The following KHSRP variants were observed in gnomAD, a reference collection of about 807,000 sequenced individuals.
The protein encoded by KHSRP is far upstream element-binding protein 2.
In KHSRP, 13 loss-of-function variants were observed where a neutral mutation model predicts 94.9. The observed-to-expected ratio is 0.14, with a 90% CI of 0.09 to 0.22. The LOEUF (loss-of-function observed/expected upper bound fraction) is 0.22. KHSRP is among the 10% of genes least tolerant of loss of function. KHSRP has a pLI of 1.00. For missense variants in KHSRP, 710 were observed against 1,010.0 expected, an observed-to-expected ratio of 0.70 and a Z score of 4.03; for synonymous variants, 495 against 401.4, an observed-to-expected ratio of 1.23 and a Z score of -2.79.
At chr19:6,417,128 G>T in intron 11 of KHSRP, 41 bp from the exon 12 acceptor site, 1 of 1,523,546 alleles carries the variant, frequency 6.6e-7, no homozygotes, top group African/African-American at 1.4e-5. Context: ...AAGTTTAAAA[G>T]AAGAGCCCAC....
In KHSRP at chr19:6,414,748, G is replaced by A. The variant is rs998631733; in HGVS notation, c.*276C>T. On this transcript the variant is annotated 3_prime_UTR_variant, in exon 19 of 19. Transcript: ENST00000600480. Reference sequence around the variant, plus strand: ...GTGATGCAGAGAAGGGGAAAAAATAGACGTTTTCTTCCCAAGTGGCCAGAT... The same window carrying A: ...GTGATGCAGAGAAGGGGAAAAAATAAACGTTTTCTTCCCAAGTGGCCAGAT... The A allele has an allele frequency of 1.9e-6, 2 of 1,076,054 alleles. No homozygotes were observed. Among genetic ancestry groups the A allele is most frequent in the South Asian group, 8.1e-5 (2 of 24,712 alleles). The allele number at this position is 1,076,054 out of a possible 1,614,324, so 66.7% of individuals were successfully genotyped here.
Position 6,417,097 on chromosome 19 carries a change from G to T in KHSRP, c.1082-10C>A. The T allele has an allele frequency of 6.3e-7, 1 of 1,594,836 alleles. No individual in the cohort carries two copies. On this transcript the variant is annotated splice_polypyrimidine_tract_variant and intron_variant, in intron 11 of 18. Transcript: ENST00000600480. The stretch of plus-strand genomic sequence containing the variant: ...GGCCCTGTCCCGTCATCTGAGGCCA[G>T]CACCGAGAGAGCAGAGACACAAGTT...
At position 6,414,988 on chromosome 19, in the gene KHSRP, C is replaced by T. The variant is rs574113244; in HGVS notation, c.*36G>A. Reference sequence around the variant, plus strand: ...TTCCCTGGCGGTGCGTGGGGACTCCCGGAGACCTCCGGCCACACGGCCCCC... The same window carrying T: ...TTCCCTGGCGGTGCGTGGGGACTCCTGGAGACCTCCGGCCACACGGCCCCC... On this transcript the variant is annotated 3_prime_UTR_variant, in exon 19 of 19. Transcript: ENST00000600480. 343 of 1,443,200 alleles carry T rather than the reference C, an allele frequency of 2.4e-4. No individual in the cohort carries two copies. The South Asian group carries it at 3.0e-3, about 13-fold the overall frequency. 89.4% of individuals were successfully genotyped at this position (1,443,200 alleles called of 1,614,324 possible). A position where few individuals can be genotyped will look rare whatever the true frequency, so the allele number is the denominator to read the frequency against.
chr19:6,423,125 A>C (rs998109559), intron 1 of KHSRP, among the ~76,000 whole-genome samples: 1 of 152,140 alleles, frequency 6.6e-6, no homozygotes, highest in Non-Finnish European at 1.5e-5. Flanking sequence ...CTAAAAATAC[A>C]AAAATTAGCT....
intron 1 of KHSRP, 21 bp downstream of exon 1, chr19:6,424,432 T>G (rs1306728486): frequency 6.2e-6 from 6 of 974,186 alleles, no homozygotes; most frequent in South Asian, 4.7e-5. Context: ...AGCGCGCCCC[T>G]CAGGCCCTCG....
chr19:6,418,130 C>G lies in KHSRP; in HGVS notation c.880-51G>C. The G allele has an allele frequency of 6.6e-7, 1 of 1,506,028 alleles. No individual in the cohort carries two copies. The highest frequency in any genetic ancestry group is 9.2e-7 in the Non-Finnish European group (1 of 1,085,116). 93.3% of individuals were successfully genotyped at this position (1,506,028 alleles called of 1,614,324 possible). On this transcript the variant is annotated intron_variant, in intron 9 of 18. Coordinates refer to ENST00000600480, the MANE Select transcript of KHSRP (RefSeq NM_001366299.1). The surrounding 1 kb of genome is among the most constrained non-coding windows in gnomAD (Gnocchi z 4.3). ...CATGGGTGAGCCCTGCTGCCCCACA[C>G]CCCCCCACCTCCTCGGGGGTGCGGG...
Position 6,420,475 on chromosome 19 carries a change from T to C in KHSRP, c.426-4A>G, listed in dbSNP as rs1330984741. On this transcript the variant is annotated splice_region_variant and splice_polypyrimidine_tract_variant and intron_variant, in intron 4 of 18. Transcript: ENST00000600480. The stretch of plus-strand genomic sequence containing the variant: ...GTACTCTTCTGTCATTGAAGTCCTG[T>C]AAAGAGACACGCCAAAGGTCAGTCC... 7.4e-6 allele frequency: 12 copies of C among 1,613,798 alleles called. No homozygotes were observed. The highest frequency in any genetic ancestry group is 1.0e-5 in the Non-Finnish European group (12 of 1,179,768).
In KHSRP at chr19:6,414,342, A is replaced by G. The variant is rs1461365084; in HGVS notation, c.*682T>C. ...TGCTCCCTGATGGAGAAGGAGGGAC[A>G]GAGCAGGAAGAGAGGAGAGGGGCCG... On this transcript the variant is annotated 3_prime_UTR_variant, in exon 19 of 19. Coordinates refer to ENST00000600480, the MANE Select transcript of KHSRP (RefSeq NM_001366299.1). 2.2e-6 allele frequency: 3 copies of G among 1,387,824 alleles called. No individual in the cohort carries two copies. Among genetic ancestry groups the G allele is most frequent in the Middle Eastern group, 2.2e-4 (1 of 4,544 alleles). 86.0% of individuals were successfully genotyped at this position (1,387,824 alleles called of 1,614,324 possible). A position where few individuals can be genotyped will look rare whatever the true frequency, so the allele number is the denominator to read the frequency against.
Position 6,419,214 on chromosome 19 carries a change from T to G in KHSRP, c.594A>C (p.Pro198=). 6.3e-7 allele frequency: 1 copy of G among 1,583,900 alleles called. No homozygotes were observed. Residue 198 remains proline, a synonymous_variant, in exon 7 of 19, where the codon CCA becomes CCC. Coordinates refer to ENST00000600480, the MANE Select transcript of KHSRP (RefSeq NM_001366299.1). ...CTGTGGGGACTTACTGGACAGATTC[T>G]GGGGCTCCTGTCAAGGACACACTGC... The part of the protein sequence containing the change: ...PERSVSLTGA[P]ESVQKAKMML...
Position 6,415,571 on chromosome 19 carries a change from G to A in KHSRP, c.1851C>T (p.Asp617=), listed in dbSNP as rs769367925. The A allele has an allele frequency of 5.3e-6, 8 of 1,523,104 alleles. No homozygotes were observed. Among genetic ancestry groups the A allele is most frequent in the Non-Finnish European group, 6.2e-6 (7 of 1,134,178 alleles). The allele number at this position is 1,523,104 out of a possible 1,614,324, so 94.3% of individuals were successfully genotyped here. The change falls in exon 17 of 19, where the codon GAC becomes GAT. Residue 617 remains aspartate (D), a synonymous_variant. Transcript: ENST00000600480. ...PPQPPPTGQS[D]YTKAWEEYYK... is the part of the protein sequence containing the mutation. The stretch of plus-strand genomic sequence containing the variant: ...AATACTCTTCCCAGGCCTTAGTGTA[G>A]TCCGACTGGCCGGTGGGTGGGGGCT...
rs144670796 is a variant in KHSRP, at chr19:6,415,090, C to T, written c.2178G>A (p.Pro726=). The stretch of plus-strand genomic sequence containing the variant: ...CCACTAAGGCAGGATGGACGGTGGC[C>T]GGGGGTTGGAAGGAGAAAGGAGGAG... ...PPPPPFSFQP[P]ATVHPALVGS... is the part of the protein sequence containing the mutation. The change falls in exon 19 of 19, where the codon CCG becomes CCA. Residue 726 remains proline, a synonymous_variant. Coordinates refer to ENST00000600480, the MANE Select transcript of KHSRP (RefSeq NM_001366299.1). 4.5e-4 allele frequency: 711 copies of T among 1,592,402 alleles called. 5 individuals are homozygous for T. In the African/African-American group the frequency reaches 8.1e-3, roughly 18 times the overall value.
chr19:6,419,472 G>A (rs892040690), intron 6 of KHSRP, among the ~76,000 whole-genome samples: 4 of 152,218 alleles, frequency 2.6e-5, no homozygotes, highest in African/African-American at 9.6e-5. Context: ...GGACTTTAAG[G>A]GAAAAGGATG....
chr19:6,418,779 C>T lies in KHSRP; in HGVS notation c.703G>A (p.Val235Met). The T allele has an allele frequency of 2.5e-6, 4 of 1,607,426 alleles. No homozygotes were observed. The highest frequency in any genetic ancestry group is 3.4e-6 in the Non-Finnish European group (4 of 1,177,946). The change falls in exon 8 of 19, where the codon GTG becomes ATG. Residue 235 changes from valine to methionine, a missense_variant. Val to Met is a conservative substitution (Grantham distance 21). This residue lies in a region of KHSRP where 288 missense variants were observed against 501.1 expected (regional missense o/e 0.57). Coordinates refer to ENST00000600480, the MANE Select transcript of KHSRP (RefSeq NM_001366299.1). The surrounding 1 kb of genome is among the most constrained non-coding windows in gnomAD (Gnocchi z 4.3). Reference sequence around the variant, plus strand: ...CCCGCGGGGATCATGATCTCCTGCACGGTGCCGTTCTGGCCCCCGTTGGCG... The same window carrying T: ...CCCGCGGGGATCATGATCTCCTGCATGGTGCCGTTCTGGCCCCCGTTGGCG... Reference protein sequence around the residue: ...DNANGGQNGTVQEIMIPAGKA... With the variant: ...DNANGGQNGTMQEIMIPAGKA...
rs1210544849 is a variant in KHSRP, at chr19:6,424,633, G to A, written c.69C>T (p.Ala23=). ...PPPPAGGGGG[A]GGAGGGPPPG... Reference sequence around the variant, plus strand: ...GCGGAGGGCCTCCCCCGGCGCCTCCGGCTCCCCCGCCCCCGCCGGCGGGCG... The same window carrying A: ...GCGGAGGGCCTCCCCCGGCGCCTCCAGCTCCCCCGCCCCCGCCGGCGGGCG... The change falls in exon 1 of 19, where the codon GCC becomes GCT. Residue 23 remains alanine, a synonymous_variant. Coordinates refer to ENST00000600480, the MANE Select transcript of KHSRP (RefSeq NM_001366299.1). 2 of 984,446 alleles carry A rather than the reference G, an allele frequency of 2.0e-6. No individual in the cohort carries two copies. Among genetic ancestry groups the A allele is most frequent in the Non-Finnish European group, 2.4e-6 (2 of 832,058 alleles). The allele number at this position is 984,446 out of a possible 1,614,324, so 61.0% of individuals were successfully genotyped here.
intron 13 of KHSRP, 38 bp downstream of exon 13, chr19:6,416,700 G>A (rs977798163): frequency 3.7e-6 from 6 of 1,612,188 alleles, no homozygotes; most frequent in South Asian, 1.1e-5. Flanking sequence ...GCCCAGGGAA[G>A]AGGGGGCAAG....
In KHSRP at chr19:6,416,504, C is replaced by G; in HGVS notation, c.1474G>C (p.Glu492Gln). Reference protein sequence around the residue: ...QQIDHAKQLIEEKIEGPLCPV... With the variant: ...QQIDHAKQLIQEKIEGPLCPV... Reference sequence around the variant, plus strand: ...CCCCAACCCACCTCGATCTTTTCCTCGATAAGCTGCTTGGCGTGGTCAATC... The same window carrying G: ...CCCCAACCCACCTCGATCTTTTCCTGGATAAGCTGCTTGGCGTGGTCAATC... The change falls in exon 14 of 19, where the codon GAG (glutamate) becomes CAG (glutamine). Residue 492 changes from glutamate to glutamine, a missense_variant. By Grantham distance (29) the Glu-to-Gln change is conservative. Around this residue, in one of 5 missense-constraint regions of KHSRP, gnomAD observed 37 missense variants for 61.1 expected, o/e 0.61. Transcript: ENST00000600480. 6.2e-7 allele frequency: 1 copy of G among 1,613,000 alleles called. No homozygotes were observed. The highest frequency in any genetic ancestry group is 8.5e-7 in the Non-Finnish European group (1 of 1,179,524).
intron 7 of KHSRP, 31 bp downstream of exon 7, chr19:6,419,172 C>T: frequency 1.9e-6 from 3 of 1,561,246 alleles, no homozygotes; most frequent in Non-Finnish European, 2.6e-6. Context: ...CTGCCCCCCA[C>T]ATCACAATGA....
In KHSRP at chr19:6,417,999, C is replaced by T; in HGVS notation, c.960G>A (p.Arg320=). 27 of 1,613,992 alleles carry T rather than the reference C, an allele frequency of 1.7e-5. No homozygotes were observed. Among genetic ancestry groups the T allele is most frequent in the Non-Finnish European group, 2.3e-5 (27 of 1,179,860 alleles). The change falls in exon 10 of 19, where the codon CGG becomes CGA. Residue 320 remains arginine (R), a synonymous_variant. Transcript: ENST00000600480. ...GFGDRNEYGS[R]IGGGIDVPVP... ...CACTCACATCGATGCCTCCGCCAAT[C>T]CGAGATCCGTACTCATTCCGGTCCC...
At chr19:6,421,357 C>T in intron 3 of KHSRP, 40 bp from the exon 4 acceptor site, 2 of 1,566,294 alleles carry the variant, frequency 1.3e-6, no homozygotes, top group Admixed American at 1.9e-5. Context: ...GGCTTAGCTC[C>T]TCCTCGGGCA....
Sources: gnomAD v4.1 joint callset for allele counts (sites outside exome capture counted in the v4.1 genomes callset) on GRCh38, gnomAD v4.1.1 for gene constraint, gnomAD v4.1.1 regional missense constraint, Gnocchi (gnomAD v3.1) non-coding constraint, MANE v1.5 for transcripts, NCBI Gene and HGNC (gene_info 2026-07-23, HGNC 2026-07-21) for gene names.